Variants in CAT observed in about 807,000 individuals in gnomAD.
CAT encodes epididymis secretory sperm binding protein.
In CAT, 43 loss-of-function variants were observed where a neutral mutation model predicts 59.0. The ratio of observed to expected loss-of-function variants is 0.73; its 90% CI spans 0.57 to 0.94. CAT has a LOEUF of 0.94. CAT is among the 40% of genes least tolerant of loss of function. The pLI, the probability that CAT is intolerant of heterozygous loss-of-function variation, is 0.00. For synonymous variants in CAT, 218 were observed against 230.9 expected (o/e 0.94, Z 0.51); for missense variants, 664 against 682.9 (o/e 0.97, Z 0.31).
chr11:34,451,157 GT>G, intron 3 of CAT, 59 bp downstream of exon 3: 2 of 999,794 alleles, frequency 2.0e-6, no homozygotes, highest in Non-Finnish European at 3.2e-6. Flanking sequence ...TTTTGGGGAT[GT>G]TTATAACTTA....
intron 9 of CAT, 45 bp downstream of exon 9, chr11:34,461,434 C>T (rs759662641): frequency 5.6e-6 from 9 of 1,611,254 alleles, no homozygotes; most frequent in South Asian, 2.2e-5. Flanking sequence ...GCAGAGGGCA[C>T]GTGGAGCAGA....
chr11:34,443,791 A>G (rs1856417273), intron 1 of CAT, among the ~76,000 whole-genome samples: 1 of 152,182 alleles, frequency 6.6e-6, no homozygotes, highest in Non-Finnish European at 1.5e-5. Context: ...GTGAGGGTCT[A>G]TATTTTTTTA....
chr11:34,445,477 T>C (rs486256), intron 1 of CAT, among the ~76,000 whole-genome samples: 44,085 of 119,172 alleles, frequency 0.37, 8,146 homozygotes, highest in East Asian at 0.75. Context: ...GCCTGGGCAA[T>C]AGAGCGAGAC....
At chr11:34,452,328 A>G in intron 4 of CAT, 121 bp downstream of exon 4, 1 of 901,426 alleles carries the variant, frequency 1.1e-6, no homozygotes, top group Admixed American at 2.0e-5. Context: ...AGTTGTCTGG[A>G]CTACTTTTTT....
intron 9 of CAT, among the ~76,000 whole-genome samples, chr11:34,462,434 A>C (rs1039813953): frequency 1.1e-3 from 174 of 152,184 alleles, no homozygotes; most frequent in African/African-American, 3.9e-3. Flanking sequence ...TTATCTATTT[A>C]TTTATTTTTT....
At chr11:34,451,832 GTAAA>G (rs1223644116) in intron 3 of CAT, among the ~76,000 whole-genome samples, 1 of 152,086 alleles carries the variant, frequency 6.6e-6, no homozygotes, top group Admixed American at 6.5e-5. Context: ...TCTTATTATG[GTAAA>G]TGAATGACAT....
Position 34,456,871 on chromosome 11 carries a change from A to G in CAT, c.1056+54A>G. On this transcript the variant is annotated intron_variant, in intron 8 of 12. Transcript: ENST00000241052. ...GGCAGGTGTCCATGTGAGCATGCACACACAAAATATGCAGCTTGGCATGAT... is the reference window on the plus strand; with the variant it reads ...GGCAGGTGTCCATGTGAGCATGCACGCACAAAATATGCAGCTTGGCATGAT... 3.8e-6 allele frequency: 6 copies of G among 1,567,276 alleles called. No homozygotes were observed. In the South Asian group the frequency reaches 6.7e-5, roughly 17 times the overall value.
Position 34,451,031 on chromosome 11 carries a change from C to T in CAT, c.282C>T (p.Tyr94=), listed in dbSNP as rs770263900. The T allele has an allele frequency of 1.6e-5, 26 of 1,613,846 alleles. No homozygotes were observed. The East Asian group carries it at 4.9e-4, about 30-fold the overall frequency. ...AGGTCACACATGACATTACCAAATA[C>T]TCCAAGGCAAAGGTATTTGAGCATA... ...YFEVTHDITK[Y]SKAKVFEHIG... The change falls in exon 3 of 13, where the codon TAC becomes TAT. Residue 94 remains tyrosine (Y), a synonymous_variant. Coordinates refer to ENST00000241052, the MANE Select transcript of CAT (RefSeq NM_001752.4).
intron 2 of CAT, 69 bp from the exon 3 acceptor site, chr11:34,450,919 G>GTGCC: frequency 1.0e-6 from 1 of 982,704 alleles, no homozygotes; most frequent in South Asian, 1.3e-5. Context: ...TGTCACCCAG[G>GTGCC]TGCCTGTTGA....
rs753141249 is a variant in CAT, at chr11:34,456,753, A to C, written c.992A>C (p.Gln331Pro). Residue 331 changes from glutamine (Q) to proline (P), a missense_variant, in exon 8 of 13, where the codon CAG becomes CCG. Transcript: ENST00000241052. ...NPVNYFAEVE[Q>P]IAFDPSNMPP... is the part of the protein sequence containing the mutation. ...GTTAATTACTTTGCTGAGGTTGAAC[A>C]GATAGCCTTCGACCCAAGCAACATG... 6.2e-7 allele frequency: 1 copy of C among 1,614,162 alleles called. No individual in the cohort carries two copies. Among genetic ancestry groups the C allele is most frequent in the Non-Finnish European group, 8.5e-7 (1 of 1,179,956 alleles).
At chr11:34,461,612 G>A (rs1208163338) in intron 9 of CAT, among the ~76,000 whole-genome samples, 3 of 152,194 alleles carry the variant, frequency 2.0e-5, no homozygotes, top group Non-Finnish European at 4.4e-5. Flanking sequence ...ATTTTATTGA[G>A]CATTTCCACC....
chr11:34,449,435 ATTGGAAGACC>A, intron 2 of CAT, 72 bp downstream of exon 2: 3 of 1,349,162 alleles, frequency 2.2e-6, no homozygotes, highest in Non-Finnish European at 3.2e-6. Context: ...TTCCCAAAGG[ATTGGAAGACC>A]TTTAACACAA....
intron 6 of CAT, among the ~76,000 whole-genome samples, chr11:34,454,618 GAA>G (rs1856567953): frequency 6.6e-6 from 1 of 152,102 alleles, no homozygotes. Flanking sequence ...TTCTTTATCT[GAA>G]CAATTTAATG....
rs1211870950 is a variant in CAT at position 34,456,354 on chromosome 11, C to A, written c.903+152C>A. ...GAGTGTCCTAAGCTGTGAATGAGTG[C>A]TTACCAGCATCTTACTTCCACGTTC... On this transcript the variant is annotated intron_variant, in intron 7 of 12. Coordinates refer to ENST00000241052, the MANE Select transcript of CAT (RefSeq NM_001752.4). The A allele has an allele frequency of 5.9e-6, 4 of 683,328 alleles. No individual in the cohort carries two copies. The Admixed American group carries it at 1.1e-4, about 18-fold the overall frequency. 42.3% of individuals were successfully genotyped at this position (683,328 alleles called of 1,614,324 possible).
intron 1 of CAT, among the ~76,000 whole-genome samples, chr11:34,441,250 A>C (rs1856386292): frequency 6.6e-6 from 1 of 152,234 alleles, no homozygotes; most frequent in African/African-American, 2.4e-5. Context: ...TCAAATATTC[A>C]GAAAAGTTGA....
intron 8 of CAT, 47 bp downstream of exon 8, chr11:34,456,864 C>G: frequency 1.3e-6 from 2 of 1,586,672 alleles, no homozygotes. Context: ...TCCATGTGAG[C>G]ATGCACACAC....
At chr11:34,445,349 T>A (rs1856437285) in intron 1 of CAT, among the ~76,000 whole-genome samples, 1 of 150,506 alleles carries the variant, frequency 6.6e-6, no homozygotes, top group South Asian at 2.1e-4. Flanking sequence ...AAAAATTAGC[T>A]GGGTGTGGTG....
At chr11:34,460,584 G>T (rs1856638802) in intron 8 of CAT, 1 of 156,328 alleles carries the variant, frequency 6.4e-6, no homozygotes, top group Non-Finnish European at 1.4e-5. Context: ...GAGTAGCTGG[G>T]ACTACAGGCA....
intron 9 of CAT, among the ~76,000 whole-genome samples, chr11:34,463,010 C>A (rs558295500): frequency 3.3e-5 from 5 of 152,026 alleles, no homozygotes; most frequent in African/African-American, 1.2e-4. Context: ...TTCTTCCTTC[C>A]CCTACACACA....
Sources: gnomAD v4.1 joint callset for allele counts (sites outside exome capture counted in the v4.1 genomes callset) on GRCh38, gnomAD v4.1.1 for gene constraint, MANE v1.5 for transcripts, NCBI Gene and HGNC (gene_info 2026-07-23, HGNC 2026-07-21) for gene names.